Variants in PDE5A observed in about 807,000 individuals in gnomAD.
The protein encoded by PDE5A is phosphodiesterase 5A.
PDE5A carries 67 observed loss-of-function variants against 110.2 expected under a neutral mutation model. The ratio of observed to expected loss-of-function variants is 0.61; its 90% CI spans 0.50 to 0.75. The LOEUF (loss-of-function observed/expected upper bound fraction) is 0.75, where lower values mean the gene tolerates loss of function less well. PDE5A is among the 30% of genes least tolerant of loss of function. The pLI is 0.00. For synonymous variants in PDE5A, 328 were observed against 351.2 expected, an observed-to-expected ratio of 0.93 and a Z score of 0.74; for missense variants, 862 against 1,045.1, an observed-to-expected ratio of 0.82 and a Z score of 2.42.
rs1485333687 is a variant in PDE5A, at chr4:119,606,617, C to T, written c.741+92G>A. 3.8e-6 allele frequency: 3 copies of T among 790,396 alleles called. No homozygotes were observed. In the East Asian group the frequency reaches 7.4e-5, roughly 19 times the overall value. 49.0% of individuals were successfully genotyped at this position (790,396 alleles called of 1,614,324 possible). A position where few individuals can be genotyped will look rare whatever the true frequency, so the allele number is the denominator to read the frequency against. On this transcript the variant is annotated intron_variant, in intron 2 of 20. Transcript: ENST00000354960. The stretch of plus-strand genomic sequence containing the variant: ...CTCAGTTTCAAATATCCCCACCATT[C>T]ATGATTGCTATCCAATGCCCCAGCC...
In PDE5A at chr4:119,497,838, C is replaced by T. The variant is rs1041029473; in HGVS notation, c.*763G>A. 6.6e-6 allele frequency: 1 copy of T among 152,154 alleles called. No individual in the cohort carries two copies. The highest frequency in any genetic ancestry group is 6.5e-5 in the Admixed American group (1 of 15,278). 9.4% of individuals were successfully genotyped at this position (152,154 alleles called of 1,614,324 possible). A position where few individuals can be genotyped will look rare whatever the true frequency, so the allele number is the denominator to read the frequency against. On this transcript the variant is annotated 3_prime_UTR_variant, in exon 21 of 21. Transcript: ENST00000354960. ...ATCCAAGGCCATTCCATTTCTAAAT[C>T]ACACTTATCCCTCAATCAAGTCAGT...
intron 10 of PDE5A, among the ~76,000 whole-genome samples, chr4:119,541,141 A>G (rs1451205681): frequency 6.6e-6 from 1 of 152,040 alleles, no homozygotes; most frequent in Non-Finnish European, 1.5e-5. Context: ...TGAATGGATG[A>G]TGAGTATGTG....
chr4:119,593,130 A>G (rs906793018), intron 3 of PDE5A, among the ~76,000 whole-genome samples: 2 of 152,232 alleles, frequency 1.3e-5, no homozygotes, highest in Non-Finnish European at 2.9e-5. Flanking sequence ...GCTGATAAGA[A>G]TGAAATATGG....
intron 6 of PDE5A, 141 bp downstream of exon 6, chr4:119,562,692 C>T (rs1330729261): frequency 1.8e-6 from 1 of 559,594 alleles, no homozygotes; most frequent in Non-Finnish European, 3.0e-6. Flanking sequence ...CAGCTCATAC[C>T]CTGATTAGTT....
In PDE5A at chr4:119,525,729, GTTAA is replaced by G; in HGVS notation, c.1633-38_1633-35del. Reference sequence around the variant, plus strand: ...AGGAAAGAAGAAAAAAAAAAATGCTGTTAATTAAAGCAGCAGTGATTTGCAAGGT... The same window carrying G: ...AGGAAAGAAGAAAAAAAAAAATGCTGTTAAAGCAGCAGTGATTTGCAAGGT... On this transcript the variant is annotated intron_variant, in intron 11 of 20. Coordinates refer to ENST00000354960, the MANE Select transcript of PDE5A (RefSeq NM_001083.4). This position sits in a 1 kb window ranked among gnomAD's most constrained non-coding sequence, Gnocchi z 4.3. The G allele has an allele frequency of 6.3e-7, 1 of 1,581,422 alleles. No homozygotes were observed. Among genetic ancestry groups the G allele is most frequent in the Non-Finnish European group, 8.6e-7 (1 of 1,161,086 alleles).
rs201437363 is a variant in PDE5A, at chr4:119,498,357, A to T, written c.*244T>A. 4 of 417,532 alleles carry T rather than the reference A, an allele frequency of 9.6e-6. No individual in the cohort carries two copies. The Admixed American group carries it at 1.5e-4, about 16-fold the overall frequency. 25.9% of individuals were successfully genotyped at this position (417,532 alleles called of 1,614,324 possible). A position where few individuals can be genotyped will look rare whatever the true frequency, so the allele number is the denominator to read the frequency against. ...AAATATCACAAACAATGCTTTTATC[A>T]ATGTGCTAACAGTGGATGTTGTTGA... On this transcript the variant is annotated 3_prime_UTR_variant, in exon 21 of 21. Transcript: ENST00000354960.
intron 11 of PDE5A, chr4:119,527,025 G>T (rs1726347367): frequency 6.6e-6 from 1 of 152,158 alleles, no homozygotes; most frequent in Non-Finnish European, 1.5e-5. Context: ...GGGAAGTGTG[G>T]AGGTGGGGAA....
intron 2 of PDE5A, among the ~76,000 whole-genome samples, chr4:119,599,748 C>CAT (rs1378534624): frequency 2.0e-5 from 3 of 146,614 alleles, no homozygotes; most frequent in African/African-American, 7.8e-5. Context: ...CACACACACA[C>CAT]ATACATATAT....
chr4:119,552,572 AT>A lies in PDE5A; in HGVS notation c.1373del (p.Asn458MetfsTer8). 2.0e-6 allele frequency: 3 copies of A among 1,515,800 alleles called. No individual in the cohort carries two copies. The highest frequency in any genetic ancestry group is 2.2e-5 in the Admixed American group (1 of 45,860). The allele number at this position is 1,515,800 out of a possible 1,614,324, so 93.9% of individuals were successfully genotyped here. A position where few individuals can be genotyped will look rare whatever the true frequency, so the allele number is the denominator to read the frequency against. On this transcript the variant is annotated frameshift_variant, in exon 9 of 21. Coordinates refer to ENST00000354960, the MANE Select transcript of PDE5A (RefSeq NM_001083.4). LOFTEE classifies it high-confidence loss of function. Reference sequence around the variant, plus strand: ...TACCTATAACTTTATTCTTCTTTCCATTTTTTATAGGTGTACAAAGCAAACT... The same window carrying A: ...TACCTATAACTTTATTCTTCTTTCCATTTTTATAGGTGTACAAAGCAAACT... ...IRSLLCTPIKNGKKNKVIGVC... is the reference protein window; with the variant it reads ...IRSLLCTPIKXGKKNKVIGVC...
chr4:119,589,074 C>T (rs764763778), intron 3 of PDE5A, among the ~76,000 whole-genome samples: 4 of 152,086 alleles, frequency 2.6e-5, no homozygotes, highest in Non-Finnish European at 5.9e-5. Flanking sequence ...GCCTGAAAGA[C>T]ATTATTGGAT....
In PDE5A at chr4:119,627,099, G is replaced by A; in HGVS notation, c.152+1421C>T. 1 of 1,606,892 alleles carries A rather than the reference G, an allele frequency of 6.2e-7. No homozygotes were observed. The highest frequency in any genetic ancestry group is 8.5e-7 in the Non-Finnish European group (1 of 1,176,052). ...CACCACCCAGCACCCGAGACCCGCCGCGCCCCCGGAAAAAGTGGGAAGGGA... is the reference window on the plus strand; with the variant it reads ...CACCACCCAGCACCCGAGACCCGCCACGCCCCCGGAAAAAGTGGGAAGGGA... On this transcript the variant is annotated intron_variant, in intron 1 of 20. Transcript: ENST00000354960. This position sits in a 1 kb window ranked among gnomAD's most constrained non-coding sequence, Gnocchi z 4.6.
chr4:119,543,272 C>T (rs149282960), intron 9 of PDE5A: 4 of 152,208 alleles, frequency 2.6e-5, no homozygotes, highest in African/African-American at 9.6e-5. Flanking sequence ...TGGAAGATTA[C>T]ATCAACATTA....
At chr4:119,556,408 G>A (rs1012017417) in intron 7 of PDE5A, among the ~76,000 whole-genome samples, 1 of 152,166 alleles carries the variant, frequency 6.6e-6, no homozygotes, top group African/African-American at 2.4e-5. Flanking sequence ...CTGAAGGAAA[G>A]GGCCATATCC....
chr4:119,623,845 A>T (rs1291554375), intron 1 of PDE5A, among the ~76,000 whole-genome samples: 6 of 152,040 alleles, frequency 3.9e-5, no homozygotes, highest in African/African-American at 1.5e-4. Flanking sequence ...ATACTAAGCA[A>T]ATCGATTTAT....
At chr4:119,593,353 A>G (rs1729045475) in intron 3 of PDE5A, among the ~76,000 whole-genome samples, 1 of 152,252 alleles carries the variant, frequency 6.6e-6, no homozygotes, top group African/African-American at 2.4e-5. Flanking sequence ...ATGAATGCAT[A>G]AACAAATTGT....
intron 14 of PDE5A, among the ~76,000 whole-genome samples, chr4:119,518,317 T>A (rs1725988705): frequency 3.3e-5 from 5 of 152,208 alleles, no homozygotes; most frequent in Admixed American, 3.3e-4. Flanking sequence ...GGCTCAAACA[T>A]TTGATGAAAA....
chr4:119,562,993 C>T lies in PDE5A; in HGVS notation c.994-23G>A, dbSNP rs1333496083. ...CACCTAGACAAAAAAATTAGGAGCT[C>T]ATTATTTAGCAATTGATTGTAATTA... On this transcript the variant is annotated intron_variant, in intron 5 of 20. Coordinates refer to ENST00000354960, the MANE Select transcript of PDE5A (RefSeq NM_001083.4). 3.3e-6 allele frequency: 5 copies of T among 1,534,554 alleles called. No individual in the cohort carries two copies. In the South Asian group the frequency reaches 3.8e-5, roughly 12 times the overall value.
At chr4:119,572,296 GT>G (rs1728168994) in intron 3 of PDE5A, among the ~76,000 whole-genome samples, 1 of 152,160 alleles carries the variant, frequency 6.6e-6, no homozygotes, top group Non-Finnish European at 1.5e-5. Context: ...GTACTCAAAA[GT>G]TGAATAGTAT....
chr4:119,505,980 C>G (rs1355947636), intron 16 of PDE5A, 48 bp from the exon 17 acceptor site: 11 of 1,049,236 alleles, frequency 1.0e-5, no homozygotes, highest in Non-Finnish European at 1.5e-5. Context: ...TACCCAGGGT[C>G]TTATCCCTTT....
Sources: allele counts gnomAD v4.1 joint callset (sites outside exome capture counted in the v4.1 genomes callset), GRCh38; gene constraint gnomAD v4.1.1; non-coding constraint Gnocchi (gnomAD v3.1); transcripts MANE v1.5; gene names NCBI Gene and HGNC (gene_info 2026-07-23, HGNC 2026-07-21).